The following NLRP9 variants were observed in gnomAD, a reference collection of about 807,000 sequenced individuals.
NLRP9 encodes NACHT, LRR and PYD domains-containing protein 9.
Under a neutral mutation model 83.1 loss-of-function variants are expected in NLRP9, and 88 were observed. The observed-to-expected ratio is 1.06, with a 90% CI of 0.89 to 1.26. NLRP9 has a LOEUF of 1.26. Ranked by LOEUF, NLRP9 falls within the 50% of genes most tolerant of loss-of-function variation. The pLI is 0.00. For synonymous variants in NLRP9, 521 were observed against 447.6 expected, an observed-to-expected ratio of 1.16 and a Z score of -2.07; for missense variants, 1,308 against 1,179.3, an observed-to-expected ratio of 1.11 and a Z score of -1.60.
intron 3 of NLRP9, among the ~76,000 whole-genome samples, chr19:55,726,575 C>G (rs1389825594): frequency 6.6e-6 from 1 of 152,212 alleles, no homozygotes; most frequent in Admixed American, 6.5e-5. Context: ...ATCTACTTCT[C>G]TCAGCCTCTA....
chr19:55,711,407 C>T (rs1987719296), intron 8 of NLRP9: 1 of 1,274,464 alleles, frequency 7.8e-7, no homozygotes. Flanking sequence ...ATTTCTGAAT[C>T]AAGACCTTAG....
Position 55,733,568 on chromosome 19 carries a change from G to T in NLRP9, c.281-18C>A. The T allele has an allele frequency of 7.3e-7, 1 of 1,373,626 alleles. No individual in the cohort carries two copies. Among genetic ancestry groups the T allele is most frequent in the Non-Finnish European group, 1.0e-6 (1 of 997,056 alleles). The allele number at this position is 1,373,626 out of a possible 1,614,324, so 85.1% of individuals were successfully genotyped here. A position where few individuals can be genotyped will look rare whatever the true frequency, so the allele number is the denominator to read the frequency against. ...TAGCTTATCTGTGTTAATGAGAACA[G>T]GATATAAGATAGGTAAAAATGCACT... On this transcript the variant is annotated intron_variant, in intron 1 of 8. Coordinates refer to ENST00000332836, the MANE Select transcript of NLRP9 (RefSeq NM_176820.4).
At position 55,732,149 on chromosome 19, in the gene NLRP9, A is replaced by G; in HGVS notation, c.1682T>C (p.Val561Ala). The G allele has an allele frequency of 6.2e-7, 1 of 1,613,102 alleles. No homozygotes were observed. The highest frequency in any genetic ancestry group is 8.5e-7 in the Non-Finnish European group (1 of 1,179,688). ...GAAAACTTCTTCAAAGAAATTCATC[A>G]CTTTGGTTACAAATTCTTTTTCCTG... is the stretch of plus-strand genomic sequence containing the variant. ...ETQEKEFVTK[V>A]MNFFEEVFIY... Residue 561 changes from valine (V) to alanine (A), a missense_variant, in exon 2 of 9, where the codon GTG becomes GCG. Val to Ala is a moderately conservative substitution (Grantham distance 64). Coordinates refer to ENST00000332836, the MANE Select transcript of NLRP9 (RefSeq NM_176820.4).
rs764548019 is a variant in NLRP9, at chr19:55,733,162, A to T, written c.669T>A (p.Ile223=). 6.2e-7 allele frequency: 1 copy of T among 1,614,126 alleles called. No individual in the cohort carries two copies. The highest frequency in any genetic ancestry group is 1.3e-5 in the African/African-American group (1 of 75,040). The change falls in exon 2 of 9, where the codon ATT becomes ATA. Residue 223 remains isoleucine (I), a synonymous_variant. Transcript: ENST00000332836. ...GCTCAAAGCCATCCATGATGAACAG[A>T]ATTCTCTCTGGCTGGGAAAAAATGT... ...IEDIFSQPER[I]LFIMDGFEQL...
chr19:55,718,577 A>C (rs560221028), intron 4 of NLRP9, among the ~76,000 whole-genome samples: 451 of 152,346 alleles, frequency 3.0e-3, no homozygotes, highest in East Asian at 5.0e-3. Context: ...ACGTGCACAT[A>C]CGGGCACAGT....
At chr19:55,728,465 G>A (rs1021271810) in intron 3 of NLRP9, among the ~76,000 whole-genome samples, 9 of 151,996 alleles carry the variant, frequency 5.9e-5, no homozygotes, top group Non-Finnish European at 1.0e-4. Context: ...CCAGTTACTC[G>A]GGAGACTGAG....
At chr19:55,728,891 A>G (rs1203114841) in intron 3 of NLRP9, among the ~76,000 whole-genome samples, 1 of 152,160 alleles carries the variant, frequency 6.6e-6, no homozygotes, top group Admixed American at 6.5e-5. Flanking sequence ...AAGATAAGTA[A>G]AATATCAGGG....
At chr19:55,727,804 A>G (rs559341768) in intron 3 of NLRP9, among the ~76,000 whole-genome samples, 2 of 152,320 alleles carry the variant, frequency 1.3e-5, no homozygotes, top group Non-Finnish European at 2.9e-5. Flanking sequence ...ATGGAGGTTT[A>G]GTCAACAGAG....
chr19:55,737,278 G>C (rs894480293), intron 1 of NLRP9: 2 of 152,198 alleles, frequency 1.3e-5, no homozygotes, highest in African/African-American at 4.8e-5. Context: ...CAGAAAGAAT[G>C]CTTCCAGGAC....
chr19:55,712,639 T>C (rs1436595670), intron 6 of NLRP9, 49 bp from the exon 7 acceptor site: 8 of 1,501,842 alleles, frequency 5.3e-6, no homozygotes, highest in Admixed American at 3.5e-5. Context: ...AGGTCAATCA[T>C]AACAGCCCAC....
chr19:55,738,177 C>A lies in NLRP9; in HGVS notation c.198G>T (p.Lys66Asn), dbSNP rs1988835593. 2 of 1,614,022 alleles carry A rather than the reference C, an allele frequency of 1.2e-6. No homozygotes were observed. Among genetic ancestry groups the A allele is most frequent in the African/African-American group, 2.7e-5 (2 of 74,904 alleles). ...AKLLDKHYPG[K>N]QAWEVTLNLF... is the part of the protein sequence containing the mutation. The stretch of plus-strand genomic sequence containing the variant: ...GGTTCAGTGTTACCTCCCATGCCTG[C>A]TTTCCTGGGTAATGTTTGTCCAGCA... The change falls in exon 1 of 9, where the codon AAG becomes AAT. Residue 66 changes from lysine (K) to asparagine (N), a missense_variant. Physicochemically the swap from Lys to Asn is moderately conservative, Grantham distance 94. Transcript: ENST00000332836.
rs538706869 is a variant in NLRP9, at chr19:55,733,646, G to A, written c.281-96C>T. The A allele has an allele frequency of 2.4e-5, 18 of 761,492 alleles. No homozygotes were observed. In the South Asian group the frequency reaches 3.3e-4, roughly 14 times the overall value. The allele number at this position is 761,492 out of a possible 1,614,324, so 47.2% of individuals were successfully genotyped here. A position where few individuals can be genotyped will look rare whatever the true frequency, so the allele number is the denominator to read the frequency against. On this transcript the variant is annotated intron_variant, in intron 1 of 8. Coordinates refer to ENST00000332836, the MANE Select transcript of NLRP9 (RefSeq NM_176820.4). ...AACCAAAAATAAAATTCTAATACTCGCCAGCCATCTGAAGCCAGGGTGCTT... is the reference window on the plus strand; with the variant it reads ...AACCAAAAATAAAATTCTAATACTCACCAGCCATCTGAAGCCAGGGTGCTT...
intron 5 of NLRP9, 35 bp from the exon 6 acceptor site, chr19:55,715,260 A>G (rs1267495821): frequency 6.3e-7 from 1 of 1,577,872 alleles, no homozygotes. Context: ...AGCCTGCTGA[A>G]CAGCAGTACA....
At chr19:55,734,588 C>T (rs1021342796) in intron 1 of NLRP9, among the ~76,000 whole-genome samples, 1 of 145,788 alleles carries the variant, frequency 6.9e-6, no homozygotes, top group African/African-American at 2.5e-5. Context: ...CATATATACA[C>T]ATATATACAT....
chr19:55,710,938 T>C (rs1381563285), intron 8 of NLRP9, among the ~76,000 whole-genome samples: 2 of 151,830 alleles, frequency 1.3e-5, no homozygotes, highest in African/African-American at 4.8e-5. Flanking sequence ...ATAGAAAAAT[T>C]AGCTGAGCAT....
chr19:55,712,055 C>T (rs2122278303), intron 7 of NLRP9, 85 bp from the exon 8 acceptor site: 2 of 1,351,008 alleles, frequency 1.5e-6, no homozygotes, highest in Non-Finnish European at 2.1e-6. Flanking sequence ...AATTACACAC[C>T]TCCCGGCAGG....
intron 8 of NLRP9, among the ~76,000 whole-genome samples, chr19:55,711,153 C>CAA (rs1987703178): frequency 6.6e-6 from 1 of 151,130 alleles, no homozygotes; most frequent in South Asian, 2.1e-4. Flanking sequence ...TTCTTAGAGA[C>CAA]ACTAGCATAA....
At chr19:55,712,706 A>T (rs1225716847) in intron 6 of NLRP9, 116 bp from the exon 7 acceptor site, 66 of 553,100 alleles carry the variant, frequency 1.2e-4, no homozygotes, top group East Asian at 4.0e-4. Context: ...TGAGATGATG[A>T]GGAGGGTGGG....
chr19:55,736,685 T>A (rs558177965), intron 1 of NLRP9, among the ~76,000 whole-genome samples: 2 of 151,578 alleles, frequency 1.3e-5, no homozygotes, highest in East Asian at 3.9e-4. Flanking sequence ...AATACAAAAA[T>A]TAGCTGGGCG....
Sources: allele counts gnomAD v4.1 joint callset (sites outside exome capture counted in the v4.1 genomes callset), GRCh38; gene constraint gnomAD v4.1.1; transcripts MANE v1.5; gene names NCBI Gene and HGNC (gene_info 2026-07-23, HGNC 2026-07-21).